Variants in TMEM131L observed in about 807,000 individuals in gnomAD.
TMEM131L encodes transmembrane protein 131-like.
A neutral mutation model predicts 192.2 loss-of-function variants in TMEM131L; 54 were observed. The observed-to-expected ratio is 0.28, with a 90% CI of 0.23 to 0.35. TMEM131L has a LOEUF of 0.35. Among genes scored for constraint, TMEM131L ranks in the 10% least tolerant of loss-of-function variants. The pLI, the probability that TMEM131L is intolerant of heterozygous loss-of-function variation, is 1.00. For synonymous variants in TMEM131L, 701 were observed against 704.9 expected, an observed-to-expected ratio of 0.99 and a Z score of 0.09; for missense variants, 1,888 against 1,972.9, an observed-to-expected ratio of 0.96 and a Z score of 0.82.
intron 14 of TMEM131L, among the ~76,000 whole-genome samples, chr4:153,587,471 T>C (rs1021506775): frequency 2.6e-5 from 4 of 152,178 alleles, no homozygotes; most frequent in African/African-American, 9.6e-5. Flanking sequence ...AATCTTTATT[T>C]AATTCAGATG....
chr4:153,578,074 G>A (rs940482310), intron 7 of TMEM131L, among the ~76,000 whole-genome samples: 8 of 152,208 alleles, frequency 5.3e-5, no homozygotes, highest in Non-Finnish European at 7.3e-5. Flanking sequence ...AAGAAAAACC[G>A]AGAGGGACAA....
intron 17 of TMEM131L, 33 bp from the exon 18 acceptor site, chr4:153,592,442 T>C (rs370989996): frequency 1.3e-5 from 19 of 1,453,074 alleles, no homozygotes; most frequent in East Asian, 1.1e-4. Context: ...TGTGTCCCTC[T>C]CGGGGTTTTA....
intron 19 of TMEM131L, 102 bp downstream of exon 19, chr4:153,593,973 A>G (rs563050714): frequency 2.4e-5 from 18 of 759,124 alleles, no homozygotes; most frequent in South Asian, 9.3e-5. Flanking sequence ...TATTTACTAT[A>G]TATGGCTCTT....
intron 3 of TMEM131L, among the ~76,000 whole-genome samples, chr4:153,527,822 T>C (rs538617397): frequency 7.2e-5 from 11 of 152,340 alleles, no homozygotes; most frequent in Admixed American, 1.3e-4. Context: ...CCCCTGACTC[T>C]GAGGTGAAGG....
chr4:153,533,226 C>T (rs367920983), intron 3 of TMEM131L, among the ~76,000 whole-genome samples: 4 of 152,238 alleles, frequency 2.6e-5, no homozygotes, highest in East Asian at 1.9e-4. Context: ...CTCACTTTAT[C>T]CACCCGCCTT....
intron 25 of TMEM131L, among the ~76,000 whole-genome samples, chr4:153,608,969 C>T (rs1732430969): frequency 1.3e-5 from 2 of 152,182 alleles, no homozygotes; most frequent in East Asian, 1.9e-4. Flanking sequence ...ACATGTGCAC[C>T]TCCCAACGTC....
chr4:153,554,683 C>T (rs777890386), intron 4 of TMEM131L, among the ~76,000 whole-genome samples: 18 of 152,132 alleles, frequency 1.2e-4, no homozygotes, highest in African/African-American at 1.4e-4. Context: ...CTAGGCCATC[C>T]GAATGACAGC....
chr4:153,480,219 G>C (rs1455312193), intron 3 of TMEM131L, among the ~76,000 whole-genome samples: 4 of 152,140 alleles, frequency 2.6e-5, no homozygotes, highest in Non-Finnish European at 4.4e-5. Flanking sequence ...GACGCCTGTA[G>C]TCCCAGCTGC....
At position 153,621,793 on chromosome 4, in the gene TMEM131L, T is replaced by G. The variant is rs755246003; in HGVS notation, c.3803T>G (p.Val1268Gly). 6.2e-7 allele frequency: 1 copy of G among 1,613,196 alleles called. No homozygotes were observed. The highest frequency in any genetic ancestry group is 8.5e-7 in the Non-Finnish European group (1 of 1,179,750). ...TGTATACAGGAAAGCACTAGGGAGG[T>G]TTGTAAAGCAGATGCCGAAATTGCA... ...SWCIQESTRE[V>G]CKADAEIASS... Residue 1268 changes from valine (V) to glycine (G), a missense_variant, in exon 28 of 35, where the codon GTT becomes GGT. Coordinates refer to ENST00000409959, the MANE Select transcript of TMEM131L (RefSeq NM_001131007.2).
intron 3 of TMEM131L, among the ~76,000 whole-genome samples, chr4:153,513,047 T>C (rs1314234641): frequency 1.3e-5 from 2 of 152,212 alleles, no homozygotes; most frequent in Non-Finnish European, 2.9e-5. Flanking sequence ...TTTTTTCATC[T>C]GCTGGTTTTA....
intron 29 of TMEM131L, among the ~76,000 whole-genome samples, chr4:153,625,128 G>C (rs1733741468): frequency 6.6e-6 from 1 of 152,082 alleles, no homozygotes; most frequent in African/African-American, 2.4e-5. Context: ...TTTAAAAATG[G>C]AGGCCGGGCG....
At chr4:153,600,927 G>A (rs1433912614) in intron 21 of TMEM131L, among the ~76,000 whole-genome samples, 1 of 151,444 alleles carries the variant, frequency 6.6e-6, no homozygotes, top group Non-Finnish European at 1.5e-5. Context: ...CCTGGCCAAC[G>A]TGGTGAAGCC....
In TMEM131L at chr4:153,600,920, G is replaced by A. The variant is rs890166775; in HGVS notation, c.2267-1232G>A. 2.0e-4 allele frequency among the ~76,000 whole-genome samples: 31 copies of A among 152,170 alleles called. 1 individual carries two copies. Among genetic ancestry groups the A allele is most frequent in the Admixed American group, 1.2e-3 (18 of 15,282 alleles). On this transcript the variant is annotated intron_variant, in intron 21 of 34. Transcript: ENST00000409959. ...GTGACCAGAAGTTTGAGGCCAGCCT[G>A]GCCAACGTGGTGAAGCCCTGTCTCT... is the stretch of plus-strand genomic sequence containing the variant.
At chr4:153,562,039 A>T (rs1233783371) in intron 7 of TMEM131L, among the ~76,000 whole-genome samples, 3 of 149,218 alleles carry the variant, frequency 2.0e-5, no homozygotes, top group African/African-American at 5.1e-5. Flanking sequence ...AATAAATTTT[A>T]AATTTTTTTT....
rs1734573053 is a variant in TMEM131L at position 153,636,378 on chromosome 4, G to A, written c.4635G>A (p.Val1545=). ...FGSIWAPQSD[V]YENCCPINPT... ...CCATCTGGGCCCCGCAAAGCGATGTGTATGAAAATTGCTGCCCCATCAACC... is the reference window on the plus strand; with the variant it reads ...CCATCTGGGCCCCGCAAAGCGATGTATATGAAAATTGCTGCCCCATCAACC... Residue 1545 remains valine (V), a synonymous_variant, in exon 35 of 35, where the codon GTG becomes GTA. Coordinates refer to ENST00000409959, the MANE Select transcript of TMEM131L (RefSeq NM_001131007.2). 1 of 1,614,126 alleles carries A rather than the reference G, an allele frequency of 6.2e-7. No homozygotes were observed.
chr4:153,553,351 C>T (rs978659412), intron 4 of TMEM131L, among the ~76,000 whole-genome samples: 3 of 151,696 alleles, frequency 2.0e-5, no homozygotes, highest in Non-Finnish European at 2.9e-5. Context: ...CATTTCACTA[C>T]AAGTGGTAGA....
intron 34 of TMEM131L, among the ~76,000 whole-genome samples, chr4:153,635,827 C>T (rs950306095): frequency 1.3e-5 from 2 of 152,204 alleles, no homozygotes; most frequent in African/African-American, 2.4e-5. Context: ...ACACACCAAG[C>T]AATGGTCCTT....
chr4:153,577,402 T>A, intron 7 of TMEM131L, among the ~76,000 whole-genome samples: 1 of 152,148 alleles, frequency 6.6e-6, no homozygotes, highest in East Asian at 1.9e-4. Flanking sequence ...GCAGGGAGAC[T>A]AAGAGGAAGT....
intron 31 of TMEM131L, among the ~76,000 whole-genome samples, chr4:153,629,044 C>T (rs955613851): frequency 6.6e-6 from 1 of 152,158 alleles, no homozygotes; most frequent in Non-Finnish European, 1.5e-5. Context: ...CTCGACTCCT[C>T]TCCCTTTATT....
Sources: allele counts gnomAD v4.1 joint callset (sites outside exome capture counted in the v4.1 genomes callset), GRCh38; gene constraint gnomAD v4.1.1; transcripts MANE v1.5; gene names NCBI Gene and HGNC (gene_info 2026-07-23, HGNC 2026-07-21).